Variants in PLXNA1 observed in about 807,000 individuals in gnomAD.
PLXNA1 encodes the protein plexin A1.
PLXNA1 carries 77 observed loss-of-function variants against 191.7 expected under a neutral mutation model. The observed-to-expected ratio is 0.40, with a 90% confidence interval of 0.33 to 0.49. The LOEUF (loss-of-function observed/expected upper bound fraction) is 0.49, where lower values mean the gene tolerates loss of function less well. Ranked by LOEUF, PLXNA1 falls within the 20% of genes least tolerant of loss-of-function variation. PLXNA1 has a pLI of 0.63. For missense variants in PLXNA1, 2,110 were observed against 2,660.2 expected, an observed-to-expected ratio of 0.79 and a Z score of 4.55; for synonymous variants, 1,137 against 1,156.4, an observed-to-expected ratio of 0.98 and a Z score of 0.34.
At chr3:126,995,862 A>G (rs1357359804) in intron 3 of PLXNA1, among the ~76,000 whole-genome samples, 1 of 152,040 alleles carries the variant, frequency 6.6e-6, no homozygotes, top group Admixed American at 6.6e-5. Context: ...ATCTGGGCAT[A>G]CCCCAGGGAG....
At position 127,022,761 on chromosome 3, in the gene PLXNA1, G is replaced by T. The variant is rs140041313; in HGVS notation, c.4305G>T (p.Ser1435=). The T allele has an allele frequency of 2.9e-5, 46 of 1,613,810 alleles. No homozygotes were observed. Among genetic ancestry groups the T allele is most frequent in the African/African-American group, 5.3e-5 (4 of 74,922 alleles). Residue 1435 remains serine, a synonymous_variant, in exon 23 of 32, where the codon TCG becomes TCT. Transcript: ENST00000393409. ...HPKLLLRRTE[S]VAEKMLTNWF... Reference sequence around the variant, plus strand: ...ATTCTGTGCTCCCCAGGACTGAGTCGGTGGCAGAGAAGATGCTAACTAACT... The same window carrying T: ...ATTCTGTGCTCCCCAGGACTGAGTCTGTGGCAGAGAAGATGCTAACTAACT...
In PLXNA1 at chr3:127,017,387, CG is replaced by C. The variant is rs1559962470; in HGVS notation, c.3277-36del. The C allele has an allele frequency of 5.0e-6, 8 of 1,597,346 alleles. No individual in the cohort carries two copies. In the South Asian group the frequency reaches 9.0e-5, roughly 18 times the overall value. On this transcript the variant is annotated intron_variant, in intron 17 of 31. Transcript: ENST00000393409. ...TCACTGGGAGCTGCCGGGCCACTCG[CG>C]GAGGTCCCGCCCAGCATCCCCACCC...
rs552129981 is a variant in PLXNA1, at chr3:126,988,820, G to A, written c.227G>A (p.Gly76Glu). The change falls in exon 2 of 32, where the codon GGG (glycine) becomes GAG (glutamate). Residue 76 changes from glycine to glutamate, a missense_variant. Transcript: ENST00000393409. Reference sequence around the variant, plus strand: ...GTGAACCGCATCTATAAGCTGTCGGGGAACCTGACACTGCTGCGGGCCCAC... The same window carrying A: ...GTGAACCGCATCTATAAGCTGTCGGAGAACCTGACACTGCTGCGGGCCCAC... ...GAVNRIYKLS[G>E]NLTLLRAHVT... is the part of the protein sequence containing the mutation. 3 of 1,613,374 alleles carry A rather than the reference G, an allele frequency of 1.9e-6. No homozygotes were observed. The highest frequency in any genetic ancestry group is 1.7e-6 in the Non-Finnish European group (2 of 1,179,932).
chr3:126,990,568 CCTT>C (rs1479774767), intron 2 of PLXNA1, among the ~76,000 whole-genome samples: 1 of 152,208 alleles, frequency 6.6e-6, no homozygotes, highest in East Asian at 1.9e-4. Flanking sequence ...CGAGGCCAGG[CCTT>C]CTGGGCTTGC....
chr3:127,021,795 C>T (rs569338917), intron 21 of PLXNA1, among the ~76,000 whole-genome samples: 61 of 152,312 alleles, frequency 4.0e-4, no homozygotes, highest in African/African-American at 1.3e-3. Context: ...TTTGTCATGT[C>T]GGCTTGCAGG....
chr3:127,020,985 G>T (rs1006077442), intron 21 of PLXNA1, among the ~76,000 whole-genome samples: 1 of 152,250 alleles, frequency 6.6e-6, no homozygotes, highest in Non-Finnish European at 1.5e-5. Context: ...GCCCCCAGCG[G>T]CAGGCAGGCT....
chr3:126,989,558 G>A lies in PLXNA1; in HGVS notation c.965G>A (p.Arg322His), dbSNP rs146946538. 61 of 1,613,090 alleles carry A rather than the reference G, an allele frequency of 3.8e-5. No homozygotes were observed. Among genetic ancestry groups the A allele is most frequent in the Middle Eastern group, 1.6e-4 (1 of 6,084 alleles). ...VQDAYLSRPG[R>H]ALAHQLGLAE... Reference sequence around the variant, plus strand: ...GATGCCTACCTGAGCCGGCCCGGCCGTGCCCTGGCCCACCAGCTGGGCCTG... The same window carrying A: ...GATGCCTACCTGAGCCGGCCCGGCCATGCCCTGGCCCACCAGCTGGGCCTG... Residue 322 changes from arginine to histidine, a missense_variant, in exon 2 of 32, where the codon CGT (arginine) becomes CAT (histidine). By Grantham distance (29) the Arg-to-His change is conservative (BLOSUM62 0). Transcript: ENST00000393409.
Position 127,033,920 on chromosome 3 carries a change from A to C in PLXNA1, c.5596-2A>C. On this transcript the variant is annotated splice_acceptor_variant, in intron 31 of 31. Transcript: ENST00000393409. LOFTEE classifies it high-confidence loss of function. ...ATGCTGACAGTTCTCCTGGCCCTGC[A>C]GATCCTGGCAGCCCTGGAGAAGGAT... is the stretch of plus-strand genomic sequence containing the variant. The C allele has an allele frequency of 6.3e-7, 1 of 1,595,136 alleles. No homozygotes were observed. Among genetic ancestry groups the C allele is most frequent in the Non-Finnish European group, 8.5e-7 (1 of 1,172,314 alleles).
intron 1 of PLXNA1, among the ~76,000 whole-genome samples, chr3:126,986,357 C>T (rs1334486441): frequency 6.6e-6 from 1 of 152,200 alleles, no homozygotes; most frequent in Non-Finnish European, 1.5e-5. Context: ...AGGCAGCTGG[C>T]AGCCTGCTAG....
In PLXNA1 at chr3:127,029,868, C is replaced by T; in HGVS notation, c.4871-6C>T. On this transcript the variant is annotated splice_region_variant and splice_polypyrimidine_tract_variant and intron_variant, in intron 27 of 31. Coordinates refer to ENST00000393409, the MANE Select transcript of PLXNA1 (RefSeq NM_032242.4). ...CAACGCGGGCGCTGACAGCCTGGTGCTGCAGAGAGCATGCTGCGCACGGCC... is the reference window on the plus strand; with the variant it reads ...CAACGCGGGCGCTGACAGCCTGGTGTTGCAGAGAGCATGCTGCGCACGGCC... 6.2e-7 allele frequency: 1 copy of T among 1,600,552 alleles called. No individual in the cohort carries two copies. The highest frequency in any genetic ancestry group is 1.3e-5 in the African/African-American group (1 of 74,796).
chr3:126,997,894 A>G (rs1399998136), intron 3 of PLXNA1, among the ~76,000 whole-genome samples: 1 of 152,204 alleles, frequency 6.6e-6, no homozygotes. Context: ...TGGCTTCCCC[A>G]TGCCGTCCTG....
At chr3:127,005,837 C>T (rs2079065839) in intron 7 of PLXNA1, among the ~76,000 whole-genome samples, 1 of 152,158 alleles carries the variant, frequency 6.6e-6, no homozygotes, top group Non-Finnish European at 1.5e-5. Flanking sequence ...TCCACAGGAG[C>T]AGGCAGCCTG....
chr3:127,007,738 T>A, intron 8 of PLXNA1, 61 bp from the exon 9 acceptor site: 1 of 1,047,038 alleles, frequency 9.6e-7, no homozygotes, highest in Admixed American at 1.8e-5. Flanking sequence ...GTCCTTCTGA[T>A]CATGGGTGAC....
chr3:126,988,426 C>T (rs1267427585), intron 1 of PLXNA1, among the ~76,000 whole-genome samples, 95 bp from the exon 2 acceptor site: 1 of 152,222 alleles, frequency 6.6e-6, no homozygotes, highest in Admixed American at 6.5e-5. Flanking sequence ...GTGCAGTGGG[C>T]ACGCCCAGCA....
intron 3 of PLXNA1, among the ~76,000 whole-genome samples, 157 bp from the exon 4 acceptor site, chr3:127,003,173 G>A (rs2079048824): frequency 1.3e-5 from 2 of 151,724 alleles, no homozygotes; most frequent in Non-Finnish European, 2.9e-5. Flanking sequence ...CTGGGGCTGG[G>A]GATGTGGAGA....
chr3:126,986,477 G>A (rs886381302), intron 1 of PLXNA1, among the ~76,000 whole-genome samples: 1 of 152,246 alleles, frequency 6.6e-6, no homozygotes. Flanking sequence ...ACTGGGCAGG[G>A]AGTGTGTGGG....
Position 127,032,704 on chromosome 3 carries a change from C to G in PLXNA1, c.5463C>G (p.Ala1821=), listed in dbSNP as rs1307427218. ...SWVERYYADI[A]KMPAISDQDM... ...CCTGCAGGTACTATGCAGACATCGC[C>G]AAGATGCCAGCCATCAGCGACCAGG... Residue 1821 remains alanine (A), a synonymous_variant, in exon 31 of 32, where the codon GCC becomes GCG. Transcript: ENST00000393409. 6.2e-7 allele frequency: 1 copy of G among 1,613,350 alleles called. No homozygotes were observed. Among genetic ancestry groups the G allele is most frequent in the East Asian group, 2.2e-5 (1 of 44,874 alleles).
chr3:127,001,665 TC>T (rs1433166609), intron 3 of PLXNA1, among the ~76,000 whole-genome samples: 1 of 152,338 alleles, frequency 6.6e-6, no homozygotes, highest in East Asian at 1.9e-4. Context: ...TCGCCTTCCT[TC>T]CCCCACTCCC....
At chr3:126,984,775 C>A (rs932313256) in intron 1 of PLXNA1, among the ~76,000 whole-genome samples, 38 of 152,206 alleles carry the variant, frequency 2.5e-4, no homozygotes, top group African/African-American at 8.7e-4. Flanking sequence ...TCCTGGCCCC[C>A]CAAGGTCGTT....
Sources: allele counts gnomAD v4.1 joint callset (sites outside exome capture counted in the v4.1 genomes callset), GRCh38; gene constraint gnomAD v4.1.1; transcripts MANE v1.5; gene names NCBI Gene and HGNC (gene_info 2026-07-23, HGNC 2026-07-21).